AIFM2: variants seen among roughly 807,000 people sequenced by gnomAD.
AIFM2 encodes the protein ferroptosis suppressor protein 1.
A neutral mutation model predicts 35.7 loss-of-function variants in AIFM2; 38 were observed. The observed-to-expected ratio is 1.06, with a 90% CI of 0.82 to 1.39. AIFM2 has a LOEUF of 1.39. Among genes scored for constraint, AIFM2 ranks in the 40% most tolerant of loss-of-function variants. The probability of loss-of-function intolerance (pLI) is 0.00; values close to 1 mark genes in which losing one functional copy is unlikely to be tolerated. For synonymous variants in AIFM2, 185 were observed against 203.5 expected (o/e 0.91, Z 0.77); for missense variants, 476 against 491.2 (o/e 0.97, Z 0.29).
At chr10:70,125,209 G>C (rs1285820601) in intron 1 of AIFM2, among the ~76,000 whole-genome samples, 4 of 152,092 alleles carry the variant, frequency 2.6e-5, no homozygotes, top group Non-Finnish European at 5.9e-5. Context: ...GCAGAAAACA[G>C]ACTAAGACAA....
Position 70,115,040 on chromosome 10 carries a change from C to CA in AIFM2, c.849dup (p.Gly284TrpfsTer2). 1 of 1,614,220 alleles carries CA rather than the reference C, an allele frequency of 6.2e-7. No individual in the cohort carries two copies. The highest frequency in any genetic ancestry group is 8.5e-7 in the Non-Finnish European group (1 of 1,180,036). ...GGCGTCCTCACGTCGGCACAGTCAC[C>CA]AATGGCGTAGACGTTGCTGTGGCCC... On this transcript the variant is annotated frameshift_variant, in exon 8 of 9. Transcript: ENST00000307864. LOFTEE classifies it high-confidence loss of function.
chr10:70,128,822 C>T (rs2136668153), intron 1 of AIFM2, among the ~76,000 whole-genome samples: 1 of 152,260 alleles, frequency 6.6e-6, no homozygotes, highest in East Asian at 1.9e-4. Flanking sequence ...TTTACCTTTG[C>T]TCCCTCCCAC....
intron 1 of AIFM2, among the ~76,000 whole-genome samples, chr10:70,128,776 G>A (rs2072596749): frequency 6.6e-6 from 1 of 152,200 alleles, no homozygotes. Flanking sequence ...CAGGAGGACT[G>A]CTTGAGCCCA....
chr10:70,121,305 G>A (rs895075162), intron 3 of AIFM2, 94 bp from the exon 4 acceptor site: 3 of 1,406,882 alleles, frequency 2.1e-6, no homozygotes, highest in South Asian at 1.6e-5. Flanking sequence ...CCTACTCCCG[G>A]CCTGCCAGCC....
intron 1 of AIFM2, among the ~76,000 whole-genome samples, chr10:70,129,218 A>G (rs557753198): frequency 1.3e-5 from 2 of 150,036 alleles, no homozygotes; most frequent in African/African-American, 2.5e-5. Flanking sequence ...CTCCTGCCTT[A>G]GCCTCCCGAA....
At chr10:70,115,219 T>A in intron 7 of AIFM2, 99 bp from the exon 8 acceptor site, 2 of 1,322,220 alleles carry the variant, frequency 1.5e-6, no homozygotes, top group Non-Finnish European at 2.1e-6. Context: ...GGTCAATAGG[T>A]GCTGGTCAGG....
chr10:70,121,257 A>C, intron 3 of AIFM2, 46 bp from the exon 4 acceptor site: 1 of 1,247,884 alleles, frequency 8.0e-7, no homozygotes, highest in Non-Finnish European at 1.0e-6. Context: ...AAAAAAGATG[A>C]GGGTAGGGCA....
chr10:70,120,700 A>G, intron 4 of AIFM2, 101 bp from the exon 5 acceptor site: 1 of 1,303,914 alleles, frequency 7.7e-7, no homozygotes, highest in Non-Finnish European at 1.1e-6. Context: ...GGGCCAAAGG[A>G]GGGCAGAGAA....
At chr10:70,123,323 T>C in intron 3 of AIFM2, 82 bp downstream of exon 3, 1 of 1,240,768 alleles carries the variant, frequency 8.1e-7, no homozygotes, top group Non-Finnish European at 1.1e-6. Context: ...CCAGCCTAGC[T>C]CTCTCTTGAC....
intron 8 of AIFM2, 25 bp downstream of exon 8, chr10:70,114,895 G>T: frequency 2.5e-6 from 4 of 1,611,420 alleles, no homozygotes; most frequent in Non-Finnish European, 3.4e-6. Context: ...TATTAAAACT[G>T]CAAAGCACAT....
Position 70,125,949 on chromosome 10 carries a change from C to A in AIFM2, c.-13-1852G>T, listed in dbSNP as rs770145375. Among the ~76,000 whole-genome samples, 247 of 152,040 alleles carry A rather than the reference C, an allele frequency of 1.6e-3. 1 individual carries two copies. In the Middle Eastern group the frequency reaches 0.017, roughly 10 times the overall value. ...CTTGGGCCCTACAGCAGCAAAGTTG[C>A]CTGGGCTCCCCAAGCCAGCCTGGAA... is the stretch of plus-strand genomic sequence containing the variant. On this transcript the variant is annotated intron_variant, in intron 1 of 8. Coordinates refer to ENST00000307864, the MANE Select transcript of AIFM2 (RefSeq NM_032797.6).
chr10:70,119,444 G>A (rs1020654655), intron 5 of AIFM2, among the ~76,000 whole-genome samples: 5 of 152,114 alleles, frequency 3.3e-5, no homozygotes, highest in African/African-American at 4.8e-5. Flanking sequence ...CTGCGCTAAC[G>A]CCAGGTAGTG....
In AIFM2 at chr10:70,114,339, G is replaced by A; in HGVS notation, c.971-10C>T. 6.8e-6 allele frequency: 11 copies of A among 1,613,878 alleles called. No homozygotes were observed. The highest frequency in any genetic ancestry group is 1.1e-5 in the South Asian group (1 of 91,064). ...AGGAACGTCAGTGCACCTGCAAGCA[G>A]AGACACAGAAACAACCAGAACCTCA... is the stretch of plus-strand genomic sequence containing the variant. On this transcript the variant is annotated splice_polypyrimidine_tract_variant and intron_variant, in intron 8 of 8. Coordinates refer to ENST00000307864, the MANE Select transcript of AIFM2 (RefSeq NM_032797.6).
chr10:70,132,240 C>T (rs1228055163), intron 1 of AIFM2, among the ~76,000 whole-genome samples: 2 of 152,210 alleles, frequency 1.3e-5, no homozygotes, highest in African/African-American at 4.8e-5. Flanking sequence ...GTGCTGCACC[C>T]CCCAGCTCCC....
intron 7 of AIFM2, 77 bp downstream of exon 7, chr10:70,116,545 G>A: frequency 1.3e-6 from 2 of 1,573,868 alleles, no homozygotes; most frequent in Non-Finnish European, 1.7e-6. Flanking sequence ...GACTCCTGGG[G>A]GCAAGCACTG....
intron 3 of AIFM2, among the ~76,000 whole-genome samples, chr10:70,122,756 A>G (rs532635461): frequency 6.6e-6 from 1 of 152,328 alleles, no homozygotes; most frequent in Admixed American, 6.5e-5. Flanking sequence ...ATCCTAGTTC[A>G]GTCTCTTACC....
Position 70,115,088 on chromosome 10 carries a change from C to T in AIFM2, c.802G>A (p.Val268Met). ...SRLASSGALRVNEHLQVEGHS... is the reference protein window; with the variant it reads ...SRLASSGALRMNEHLQVEGHS... ...CCCTCCACCTGGAGGTGCTCGTTCA[C>T]TCTCAGAGCACCACTGCTGGCTAGT... is the stretch of plus-strand genomic sequence containing the variant. The change falls in exon 8 of 9, where the codon GTG becomes ATG. Residue 268 changes from valine to methionine, a missense_variant. Physicochemically the swap from Val to Met is conservative, Grantham distance 21. Coordinates refer to ENST00000307864, the MANE Select transcript of AIFM2 (RefSeq NM_032797.6). The T allele has an allele frequency of 1.2e-6, 2 of 1,613,984 alleles. No individual in the cohort carries two copies. Among genetic ancestry groups the T allele is most frequent in the South Asian group, 1.1e-5 (1 of 91,070 alleles).
rs1477721803 is a variant in AIFM2, at chr10:70,112,632, T to TGCCCGAGTACCCAGAG, written c.*1530_*1545dup. On this transcript the variant is annotated 3_prime_UTR_variant, in exon 9 of 9. Transcript: ENST00000307864. ...AGAGAGGCTGGTGTCCCAAGGACTC[T>TGCCCGAGTACCCAGAG]GCCCGAGTACCCAGAGGCCACCATC... 2.7e-5 allele frequency: 4 copies of TGCCCGAGTACCCAGAG among 148,982 alleles called. No individual in the cohort carries two copies. The highest frequency in any genetic ancestry group is 2.1e-4 in the East Asian group (1 of 4,812). 9.2% of individuals were successfully genotyped at this position (148,982 alleles called of 1,614,324 possible).
rs146149525 is a variant in AIFM2 at position 70,113,827 on chromosome 10, G to A, written c.*351C>T. 1.3e-4 allele frequency: 28 copies of A among 218,262 alleles called. No homozygotes were observed. The highest frequency in any genetic ancestry group is 2.3e-4 in the Admixed American group (4 of 17,580). The allele number at this position is 218,262 out of a possible 1,614,324, so 13.5% of individuals were successfully genotyped here. A position where few individuals can be genotyped will look rare whatever the true frequency, so the allele number is the denominator to read the frequency against. ...GCTCTGAGAGCTCTAAATGGCACGC[G>A]TCATGACCACAAGCACGTACACACA... is the stretch of plus-strand genomic sequence containing the variant. On this transcript the variant is annotated 3_prime_UTR_variant, in exon 9 of 9. Coordinates refer to ENST00000307864, the MANE Select transcript of AIFM2 (RefSeq NM_032797.6).
Sources: gnomAD v4.1 joint callset for allele counts (sites outside exome capture counted in the v4.1 genomes callset) on GRCh38, gnomAD v4.1.1 for gene constraint, MANE v1.5 for transcripts, NCBI Gene and HGNC (gene_info 2026-07-23, HGNC 2026-07-21) for gene names.